Variants in REL observed in about 807,000 individuals in gnomAD.
REL encodes proto-oncogene c-Rel.
Under a neutral mutation model 45.9 loss-of-function variants are expected in REL, and 15 were observed. The ratio of observed to expected loss-of-function variants is 0.33; its 90% CI spans 0.22 to 0.50. The LOEUF (loss-of-function observed/expected upper bound fraction) is 0.50, where lower values mean the gene tolerates loss of function less well. Among genes scored for constraint, REL ranks in the 20% least tolerant of loss-of-function variants. The pLI, the probability that REL is intolerant of heterozygous loss-of-function variation, is 0.98. For synonymous variants in REL, 239 were observed against 242.1 expected, an observed-to-expected ratio of 0.99 and a Z score of 0.12; for missense variants, 601 against 715.2, an observed-to-expected ratio of 0.84 and a Z score of 1.82.
chr2:60,912,772 T>C (rs79488903), intron 4 of REL, among the ~76,000 whole-genome samples: 1 of 151,986 alleles, frequency 6.6e-6, no homozygotes, highest in African/African-American at 2.4e-5. Context: ...GAAAAAAGAA[T>C]TGAGAGCCCA....
chr2:60,920,999 C>CT (rs955665257), intron 9 of REL, among the ~76,000 whole-genome samples: 277 of 144,682 alleles, frequency 1.9e-3, no homozygotes, highest in African/African-American at 5.5e-3. Context: ...CTCTAAACTG[C>CT]TTTTTTTTTT....
chr2:60,897,423 T>A (rs1673378810), intron 3 of REL, among the ~76,000 whole-genome samples: 1 of 151,988 alleles, frequency 6.6e-6, no homozygotes, highest in Admixed American at 6.6e-5. Context: ...TTTTTGTGCC[T>A]TGGCCTCCCA....
At chr2:60,886,412 A>G (rs905532892) in intron 1 of REL, among the ~76,000 whole-genome samples, 1 of 152,064 alleles carries the variant, frequency 6.6e-6, no homozygotes, top group Non-Finnish European at 1.5e-5. Flanking sequence ...ATCAGTTATT[A>G]CCTCCAGTTG....
At chr2:60,903,131 C>G (rs538275558) in intron 4 of REL, among the ~76,000 whole-genome samples, 4 of 152,264 alleles carry the variant, frequency 2.6e-5, no homozygotes, top group Admixed American at 2.6e-4. Context: ...TAAGTGATAG[C>G]TATCATTTAT....
intron 3 of REL, 146 bp downstream of exon 3, chr2:60,894,691 T>G (rs1673304162): frequency 1.8e-6 from 1 of 543,368 alleles, no homozygotes. Context: ...ATTTTTACTA[T>G]TTGCATTAGA....
intron 2 of REL, among the ~76,000 whole-genome samples, chr2:60,892,554 G>A (rs981200269): frequency 2.0e-5 from 3 of 151,738 alleles, no homozygotes; most frequent in Non-Finnish European, 2.9e-5. Flanking sequence ...TCAGCCTACC[G>A]AGTAGCTGGG....
chr2:60,886,726 A>T (rs1322567702), intron 1 of REL, among the ~76,000 whole-genome samples: 1 of 152,106 alleles, frequency 6.6e-6, no homozygotes. Flanking sequence ...ATAATTTATG[A>T]TCCATTTAAA....
chr2:60,918,066 G>C, intron 5 of REL, 125 bp from the exon 6 acceptor site: 1 of 612,760 alleles, frequency 1.6e-6, no homozygotes, highest in East Asian at 2.8e-5. Context: ...AATGTATTTA[G>C]TGTCATTTAT....
At chr2:60,920,259 T>C (rs1674101822) in intron 8 of REL, 150 bp downstream of exon 8, 1 of 667,160 alleles carries the variant, frequency 1.5e-6, no homozygotes, top group Non-Finnish European at 2.6e-6. Flanking sequence ...TGGAGTGCAG[T>C]AGGGCAATCT....
rs575436595 is a variant in REL at position 60,923,034 on chromosome 2, ACT to A, written c.*502_*503del. On this transcript the variant is annotated 3_prime_UTR_variant, in exon 10 of 10. Transcript: ENST00000394479. Reference sequence around the variant, plus strand: ...ACTCCAGCCTGGGTGACAGAGTGAGACTCTGTCTCAAAAAAAAAAAAACAAAA... The same window carrying A: ...ACTCCAGCCTGGGTGACAGAGTGAGACTGTCTCAAAAAAAAAAAAACAAAA... 0.014 allele frequency: 2,274 copies of A among 160,574 alleles called. 32 individuals carry two copies. Among genetic ancestry groups the A allele is most frequent in the Non-Finnish European group, 0.023 (1,703 of 74,622 alleles). 9.9% of individuals were successfully genotyped at this position (160,574 alleles called of 1,614,324 possible).
At chr2:60,898,333 A>T (rs1456497814) in intron 3 of REL, among the ~76,000 whole-genome samples, 1 of 152,220 alleles carries the variant, frequency 6.6e-6, no homozygotes, top group Non-Finnish European at 1.5e-5. Context: ...TATAAGGCCC[A>T]CATGACCCAC....
At chr2:60,883,623 A>G (rs947762511) in intron 1 of REL, among the ~76,000 whole-genome samples, 3 of 152,342 alleles carry the variant, frequency 2.0e-5, no homozygotes, top group African/African-American at 4.8e-5. Context: ...GATATATTGC[A>G]TGAATTTAAT....
intron 4 of REL, among the ~76,000 whole-genome samples, chr2:60,908,056 T>G (rs573984732): frequency 6.6e-6 from 1 of 152,282 alleles, no homozygotes; most frequent in South Asian, 2.1e-4. Flanking sequence ...CCTGAAAGCC[T>G]TCTCAGTTCT....
At chr2:60,884,905 C>T (rs1673034178) in intron 1 of REL, among the ~76,000 whole-genome samples, 1 of 152,104 alleles carries the variant, frequency 6.6e-6, no homozygotes, top group African/African-American at 2.4e-5. Flanking sequence ...GCAACTTAAT[C>T]TTTAATAACA....
At chr2:60,912,951 T>A (rs1044208747) in intron 4 of REL, among the ~76,000 whole-genome samples, 15 of 152,150 alleles carry the variant, frequency 9.9e-5, no homozygotes, top group African/African-American at 3.6e-4. Context: ...GAAGATGGAT[T>A]AAAGGCTTTA....
rs1217345513 is a variant in REL, at chr2:60,891,940, CT to C, written c.153+121del. 9.9e-6 allele frequency: 10 copies of C among 1,015,022 alleles called. No individual in the cohort carries two copies. The African/African-American group carries it at 1.3e-4, about 13-fold the overall frequency. 62.9% of individuals were successfully genotyped at this position (1,015,022 alleles called of 1,614,324 possible). ...GTCATCTCCACAGGTTTATCTTTTT[CT>C]TTTTTCCTTTTTTTTTTTAAACGGA... On this transcript the variant is annotated intron_variant, in intron 2 of 9. Transcript: ENST00000394479.
At position 60,894,432 on chromosome 2, in the gene REL, T is replaced by C; in HGVS notation, c.189T>C (p.Ile63=). The stretch of plus-strand genomic sequence containing the variant: ...ATTATGGAAAAGGAAAAGTGAGAAT[T>C]ACATTAGTAACAAAGAATGACCCAT... ...MNYYGKGKVR[I]TLVTKNDPYK... The change falls in exon 3 of 10, where the codon ATT becomes ATC. Residue 63 remains isoleucine, a synonymous_variant. Transcript: ENST00000394479. 6.3e-7 allele frequency: 1 copy of C among 1,582,692 alleles called. No individual in the cohort carries two copies. Among genetic ancestry groups the C allele is most frequent in the Non-Finnish European group, 8.6e-7 (1 of 1,160,818 alleles).
intron 1 of REL, among the ~76,000 whole-genome samples, chr2:60,888,189 AAAGTGC>A: frequency 6.6e-6 from 1 of 152,160 alleles, no homozygotes; most frequent in African/African-American, 2.4e-5. Context: ...TTGGCCTCCC[AAAGTGC>A]TGGGATTACA....
Position 60,922,666 on chromosome 2 carries a change from A to G in REL, c.*131A>G, listed in dbSNP as rs1046558201. 2.3e-6 allele frequency: 3 copies of G among 1,312,882 alleles called. No individual in the cohort carries two copies. Among genetic ancestry groups the G allele is most frequent in the African/African-American group, 3.0e-5 (2 of 66,150 alleles). 81.3% of individuals were successfully genotyped at this position (1,312,882 alleles called of 1,614,324 possible). ...ATACTGACTGAGAATATAATACTGT[A>G]TTTGAGAATATAAAAAACTTTTTTC... On this transcript the variant is annotated 3_prime_UTR_variant, in exon 10 of 10. Transcript: ENST00000394479.
Sources: allele counts gnomAD v4.1 joint callset (sites outside exome capture counted in the v4.1 genomes callset), GRCh38; gene constraint gnomAD v4.1.1; transcripts MANE v1.5; gene names NCBI Gene and HGNC (gene_info 2026-07-23, HGNC 2026-07-21).